RAB14: variants seen among roughly 807,000 people sequenced by gnomAD.
RAB14 encodes RAB14, member RAS oncogene family.
In RAB14, 3 loss-of-function variants were observed where a neutral mutation model predicts 31.1. The ratio of observed to expected loss-of-function variants is 0.10; its 90% CI spans 0.04 to 0.25. The LOEUF (loss-of-function observed/expected upper bound fraction) is 0.25. Ranked by LOEUF, RAB14 falls within the 10% of genes least tolerant of loss-of-function variation. RAB14 has a pLI of 1.00. For missense variants in RAB14, 111 were observed against 260.1 expected (o/e 0.43, Z 3.94); for synonymous variants, 85 against 84.9 (o/e 1.00, Z 0.00).
rs557552834 is a variant in RAB14, at chr9:121,198,256, C to T, written c.-8+3383G>A. The stretch of plus-strand genomic sequence containing the variant: ...AGGTTAAAGAATACCCAAACAAAAA[C>T]AAACAAATCTCCCACTCATAATATT... On this transcript the variant is annotated intron_variant, in intron 1 of 7. Coordinates refer to ENST00000373840, the MANE Select transcript of RAB14 (RefSeq NM_016322.4). Among the ~76,000 whole-genome samples, 4 of 152,202 alleles carry T rather than the reference C, an allele frequency of 2.6e-5. No homozygotes were observed. In the East Asian group the frequency reaches 7.7e-4, roughly 29 times the overall value.
At chr9:121,199,290 A>G (rs2053736662) in intron 1 of RAB14, among the ~76,000 whole-genome samples, 1 of 152,230 alleles carries the variant, frequency 6.6e-6, no homozygotes, top group Admixed American at 6.5e-5. Flanking sequence ...TGATAGGTAT[A>G]TGAATGCTCA....
In RAB14 at chr9:121,181,342, G is replaced by A; in HGVS notation, c.*54C>T. ...AGACAATGAGGCAGTAAAAAGTACT[G>A]CTTCCAACAGACAGAGGTGAAAGGT... is the stretch of plus-strand genomic sequence containing the variant. On this transcript the variant is annotated 3_prime_UTR_variant, in exon 8 of 8. Coordinates refer to ENST00000373840, the MANE Select transcript of RAB14 (RefSeq NM_016322.4). The A allele has an allele frequency of 6.8e-7, 1 of 1,468,890 alleles. No individual in the cohort carries two copies. The highest frequency in any genetic ancestry group is 9.2e-7 in the Non-Finnish European group (1 of 1,088,640). The allele number at this position is 1,468,890 out of a possible 1,614,324, so 91.0% of individuals were successfully genotyped here.
At chr9:121,182,779 A>G (rs1478969429) in intron 7 of RAB14, 151 bp downstream of exon 7, 1 of 480,096 alleles carries the variant, frequency 2.1e-6, no homozygotes, top group African/African-American at 2.0e-5. Context: ...AAAGGAAGCA[A>G]AGAGATGTTT....
rs561696198 is a variant in RAB14, at chr9:121,189,161, G to T, written c.284+1393C>A. On this transcript the variant is annotated intron_variant, in intron 4 of 7. Coordinates refer to ENST00000373840, the MANE Select transcript of RAB14 (RefSeq NM_016322.4). Reference sequence around the variant, plus strand: ...CCTTATAGCTGAGTAACATTTCATTGTATGGATATATCACAGTGTTTATCC... The same window carrying T: ...CCTTATAGCTGAGTAACATTTCATTTTATGGATATATCACAGTGTTTATCC... Among the ~76,000 whole-genome samples, 5 of 152,024 alleles carry T rather than the reference G, an allele frequency of 3.3e-5. No individual in the cohort carries two copies. In the South Asian group the frequency reaches 6.2e-4, roughly 19 times the overall value.
At chr9:121,199,403 C>G (rs1319737489) in intron 1 of RAB14, among the ~76,000 whole-genome samples, 1 of 152,204 alleles carries the variant, frequency 6.6e-6, no homozygotes, top group Non-Finnish European at 1.5e-5. Flanking sequence ...AAACTGTTGT[C>G]TTTAGCCATG....
At chr9:121,194,915 A>G (rs1303122538) in intron 1 of RAB14, among the ~76,000 whole-genome samples, 2 of 152,204 alleles carry the variant, frequency 1.3e-5, no homozygotes, top group Non-Finnish European at 2.9e-5. Flanking sequence ...ACATTTAGTG[A>G]AAGTAGAAGC....
chr9:121,185,388 C>A (rs890029182), intron 5 of RAB14, among the ~76,000 whole-genome samples: 1 of 152,120 alleles, frequency 6.6e-6, no homozygotes, highest in Non-Finnish European at 1.5e-5. Flanking sequence ...AGCCCTTATT[C>A]AGATTTCAGT....
At position 121,178,216 on chromosome 9, in the gene RAB14, TAA is replaced by T. The variant is rs2053607573; in HGVS notation, c.*3178_*3179del. The T allele has an allele frequency of 6.6e-6, 1 of 151,926 alleles. No homozygotes were observed. The highest frequency in any genetic ancestry group is 1.5e-5 in the Non-Finnish European group (1 of 68,022). 9.4% of individuals were successfully genotyped at this position (151,926 alleles called of 1,614,324 possible). ...AGATACGGGATCAATGGAGTTACAA[TAA>T]AGACAATGAAAGTGACAATTTATTA... On this transcript the variant is annotated 3_prime_UTR_variant, in exon 8 of 8. Transcript: ENST00000373840.
chr9:121,190,483 T>C, intron 4 of RAB14, 71 bp downstream of exon 4: 1 of 1,370,668 alleles, frequency 7.3e-7, no homozygotes. Context: ...AAAAAATGCC[T>C]ATCAATTTTT....
chr9:121,197,921 T>C (rs2053727309), intron 1 of RAB14, among the ~76,000 whole-genome samples: 1 of 152,144 alleles, frequency 6.6e-6, no homozygotes, highest in African/African-American at 2.4e-5. Context: ...TTAGAAACCA[T>C]TTTGATTGAT....
chr9:121,183,591 C>G (rs1483030067), intron 5 of RAB14, among the ~76,000 whole-genome samples, 193 bp from the exon 6 acceptor site: 2 of 152,194 alleles, frequency 1.3e-5, no homozygotes, highest in African/African-American at 2.4e-5. Flanking sequence ...TAGCAATGAT[C>G]TAGGTCAGGG....
Position 121,178,794 on chromosome 9 carries a change from A to G in RAB14, c.*2602T>C, listed in dbSNP as rs543009069. The G allele has an allele frequency of 1.9e-4, 29 of 152,258 alleles. No homozygotes were observed. Among genetic ancestry groups the G allele is most frequent in the Non-Finnish European group, 3.5e-4 (24 of 68,054 alleles). 9.4% of individuals were successfully genotyped at this position (152,258 alleles called of 1,614,324 possible). On this transcript the variant is annotated 3_prime_UTR_variant, in exon 8 of 8. Coordinates refer to ENST00000373840, the MANE Select transcript of RAB14 (RefSeq NM_016322.4). ...TAAGCATAAATAGTACTAAGCACCA[A>G]TTACTAATCTGAAGGCCTCCTCACA...
In RAB14 at chr9:121,190,409, A is replaced by G. The variant is rs141583008; in HGVS notation, c.284+145T>C. On this transcript the variant is annotated intron_variant, in intron 4 of 7. Coordinates refer to ENST00000373840, the MANE Select transcript of RAB14 (RefSeq NM_016322.4). ...ATCAATGTGTTATATCAAGTTTTACATGGCAACTTAAGAAACCATAAAAAA... is the reference window on the plus strand; with the variant it reads ...ATCAATGTGTTATATCAAGTTTTACGTGGCAACTTAAGAAACCATAAAAAA... The G allele has an allele frequency of 2.6e-3, 2,056 of 787,926 alleles. 5 individuals are homozygous for G. Among genetic ancestry groups the G allele is most frequent in the Non-Finnish European group, 2.7e-3 (1,475 of 543,298 alleles). 48.8% of individuals were successfully genotyped at this position (787,926 alleles called of 1,614,324 possible).
In RAB14 at chr9:121,180,681, T is replaced by C. The variant is rs925298177; in HGVS notation, c.*715A>G. ...TGTTCCAATGCCAGTAATCAATTTA[T>C]TTTCTTCATTAAAATAATATACACA... On this transcript the variant is annotated 3_prime_UTR_variant, in exon 8 of 8. Transcript: ENST00000373840. 1.3e-5 allele frequency: 2 copies of C among 152,656 alleles called. No individual in the cohort carries two copies. The highest frequency in any genetic ancestry group is 6.5e-5 in the Admixed American group (1 of 15,278). The allele number at this position is 152,656 out of a possible 1,614,324, so 9.5% of individuals were successfully genotyped here. A position where few individuals can be genotyped will look rare whatever the true frequency, so the allele number is the denominator to read the frequency against.
At chr9:121,189,889 A>G (rs2053677556) in intron 4 of RAB14, among the ~76,000 whole-genome samples, 1 of 152,152 alleles carries the variant, frequency 6.6e-6, no homozygotes, top group South Asian at 2.1e-4. Context: ...ACAGTAGACA[A>G]ACAGTGCAGG....
chr9:121,195,536 T>TA (rs1394765093), intron 1 of RAB14, among the ~76,000 whole-genome samples: 1 of 152,164 alleles, frequency 6.6e-6, no homozygotes, highest in Non-Finnish European at 1.5e-5. Flanking sequence ...ACCTGCTAAT[T>TA]ATCATACATT....
intron 1 of RAB14, among the ~76,000 whole-genome samples, chr9:121,198,854 A>T (rs887597323): frequency 3.9e-5 from 6 of 152,172 alleles, no homozygotes; most frequent in Admixed American, 1.3e-4. Flanking sequence ...AGGCGGATAA[A>T]ACTTCTGTAG....
chr9:121,190,335 A>G (rs1432969396), intron 4 of RAB14, among the ~76,000 whole-genome samples: 1 of 152,148 alleles, frequency 6.6e-6, no homozygotes, highest in Non-Finnish European at 1.5e-5. Context: ...GCTTCACCCA[A>G]TAACTAACTC....
intron 6 of RAB14, 122 bp from the exon 7 acceptor site, chr9:121,183,082 A>G (rs1262881429): frequency 1.2e-5 from 12 of 966,932 alleles, no homozygotes; most frequent in Non-Finnish European, 1.9e-5. Flanking sequence ...TATTTTATGA[A>G]AAAGTATGTA....
Sources: allele counts gnomAD v4.1 joint callset (sites outside exome capture counted in the v4.1 genomes callset), GRCh38; gene constraint gnomAD v4.1.1; transcripts MANE v1.5; gene names NCBI Gene and HGNC (gene_info 2026-07-23, HGNC 2026-07-21).